The following CCNY variants were observed in gnomAD, a reference collection of about 807,000 sequenced individuals.
CCNY encodes cyclin-Y.
Under a neutral mutation model 42.8 loss-of-function variants are expected in CCNY, and 19 were observed. The ratio of observed to expected loss-of-function variants is 0.44; its 90% CI spans 0.31 to 0.65. The LOEUF (loss-of-function observed/expected upper bound fraction) is 0.65, where lower values mean the gene tolerates loss of function less well. CCNY is among the 30% of genes least tolerant of loss of function. The pLI is 0.07. For synonymous variants in CCNY, 165 were observed against 162.7 expected, an observed-to-expected ratio of 1.01 and a Z score of -0.11; for missense variants, 370 against 437.3, an observed-to-expected ratio of 0.85 and a Z score of 1.37.
rs1444142756 is a variant in CCNY at position 35,479,551 on chromosome 10, A to G, written c.155-3853A>G. On this transcript the variant is annotated intron_variant, in intron 1 of 9. Coordinates refer to ENST00000374704, the MANE Select transcript of CCNY (RefSeq NM_145012.6). ...TATTCTCACTCATAGGTGGGAATTGAACAATGAGAACACATGGACACAGGA... is the reference window on the plus strand; with the variant it reads ...TATTCTCACTCATAGGTGGGAATTGGACAATGAGAACACATGGACACAGGA... Among the ~76,000 whole-genome samples the G allele has an allele frequency of 2.2e-5, 3 of 134,062 alleles. No individual in the cohort carries two copies. In the East Asian group the frequency reaches 6.4e-4, roughly 28 times the overall value. The allele number at this position is 134,062 out of a possible 152,430, so 87.9% of individuals were successfully genotyped here.
At chr10:35,561,147 G>T (rs1018147642) in intron 8 of CCNY, among the ~76,000 whole-genome samples, 2 of 152,160 alleles carry the variant, frequency 1.3e-5, no homozygotes, top group African/African-American at 4.8e-5. Context: ...AATGAGGGAG[G>T]TGCGTGCCAG....
At chr10:35,326,623 G>A (rs931355685) in intron 3 of CCNY, among the ~76,000 whole-genome samples, 5 of 152,002 alleles carry the variant, frequency 3.3e-5, no homozygotes, top group Non-Finnish European at 4.4e-5. Context: ...TCTAGGCCGG[G>A]TGTGGTGGCT....
intron 1 of CCNY, among the ~76,000 whole-genome samples, chr10:35,358,886 C>G (rs1281732407): frequency 1.3e-5 from 2 of 152,152 alleles, no homozygotes; most frequent in East Asian, 3.9e-4. Context: ...AAGGGATGCC[C>G]AGAAAGCCCC....
chr10:35,406,978 CCTT>C (rs1837793369), intron 1 of CCNY, among the ~76,000 whole-genome samples: 1 of 152,188 alleles, frequency 6.6e-6, no homozygotes, highest in Admixed American at 6.5e-5. Flanking sequence ...AATAAGGCAG[CCTT>C]CTGGCCCCTC....
chr10:35,444,829 G>A (rs1838756758), intron 1 of CCNY, among the ~76,000 whole-genome samples: 6 of 152,222 alleles, frequency 3.9e-5, no homozygotes, highest in Non-Finnish European at 2.9e-5. Flanking sequence ...TAGGGGTGGA[G>A]GAGGCGAGAG....
At chr10:35,510,053 G>A (rs1381654004) in intron 3 of CCNY, among the ~76,000 whole-genome samples, 3 of 152,092 alleles carry the variant, frequency 2.0e-5, no homozygotes, top group African/African-American at 4.8e-5. Flanking sequence ...TGTGGCCCGA[G>A]GAGGCTGCAG....
intron 3 of CCNY, among the ~76,000 whole-genome samples, chr10:35,253,239 G>T (rs1290551083): frequency 6.6e-6 from 1 of 151,766 alleles, no homozygotes; most frequent in Admixed American, 6.6e-5. Context: ...GTTAAACTAG[G>T]CCTTTGTCTT....
At chr10:35,360,546 T>A (rs1348116845) in intron 1 of CCNY, among the ~76,000 whole-genome samples, 9 of 152,068 alleles carry the variant, frequency 5.9e-5, no homozygotes, top group Non-Finnish European at 1.5e-5. Context: ...CCTCCCAAAG[T>A]GCTGGGATTA....
intron 3 of CCNY, among the ~76,000 whole-genome samples, chr10:35,284,107 T>TA (rs1209351469): frequency 6.6e-5 from 10 of 151,882 alleles, no homozygotes; most frequent in African/African-American, 1.2e-4. Context: ...AAAACAAAAA[T>TA]AAAAAATAGC....
chr10:35,310,303 TTTTC>T (rs1409995037), intron 3 of CCNY, among the ~76,000 whole-genome samples: 12 of 152,252 alleles, frequency 7.9e-5, no homozygotes, highest in Non-Finnish European at 1.6e-4. Context: ...ATGTACCATA[TTTTC>T]TTTATCCATT....
intron 3 of CCNY, among the ~76,000 whole-genome samples, chr10:35,301,879 C>T (rs571980519): frequency 7.9e-5 from 12 of 152,180 alleles, no homozygotes; most frequent in African/African-American, 1.2e-4. Context: ...GCGATCTGCC[C>T]GCCTCGGCCT....
At chr10:35,412,185 G>T (rs578202522) in intron 1 of CCNY, among the ~76,000 whole-genome samples, 27 of 152,354 alleles carry the variant, frequency 1.8e-4, no homozygotes, top group African/African-American at 6.3e-4. Flanking sequence ...GGCACATCCT[G>T]TGACTAGGGG....
chr10:35,392,160 G>A (rs1837427786), intron 1 of CCNY, among the ~76,000 whole-genome samples: 1 of 152,154 alleles, frequency 6.6e-6, no homozygotes, highest in Non-Finnish European at 1.5e-5. Context: ...TTTTCCTGCT[G>A]CGTATAGTGG....
In CCNY at chr10:35,565,504, G is replaced by A. The variant is rs1707820255; in HGVS notation, c.747-519G>A. Among the ~76,000 whole-genome samples, 3 of 152,236 alleles carry A rather than the reference G, an allele frequency of 2.0e-5. No individual in the cohort carries two copies. The South Asian group carries it at 6.2e-4, about 32-fold the overall frequency. On this transcript the variant is annotated intron_variant, in intron 8 of 9. Transcript: ENST00000374704. The stretch of plus-strand genomic sequence containing the variant: ...TTTTAAGAGACTGAGGCAGAGACTG[G>A]ACACCCTCCCCCCATAATCCCTGCC...
intron 3 of CCNY, among the ~76,000 whole-genome samples, chr10:35,262,887 T>C (rs16935949): frequency 0.37 from 55,905 of 150,874 alleles, 10,910 homozygotes; most frequent in African/African-American, 0.5. Context: ...AAATGAAACA[T>C]GAAAAAAATT....
chr10:35,440,228 C>A (rs1459243925), intron 1 of CCNY, among the ~76,000 whole-genome samples: 2 of 151,986 alleles, frequency 1.3e-5, no homozygotes, highest in Non-Finnish European at 2.9e-5. Flanking sequence ...TTGGTCTGTA[C>A]CCTTCATGTT....
chr10:35,369,485 G>A (rs1367244850), intron 1 of CCNY, among the ~76,000 whole-genome samples: 1 of 152,180 alleles, frequency 6.6e-6, no homozygotes, highest in Admixed American at 6.5e-5. Context: ...AGACACAGAA[G>A]AAATTCCAGT....
At chr10:35,323,417 G>T (rs1002814529) in intron 3 of CCNY, among the ~76,000 whole-genome samples, 1 of 152,176 alleles carries the variant, frequency 6.6e-6, no homozygotes, top group Non-Finnish European at 1.5e-5. Context: ...TAAACAAATT[G>T]TGGTATATAC....
intron 1 of CCNY, among the ~76,000 whole-genome samples, chr10:35,483,123 A>G (rs1839710891): frequency 6.6e-6 from 1 of 152,148 alleles, no homozygotes; most frequent in Non-Finnish European, 1.5e-5. Context: ...CTGCTATTTT[A>G]TAGTATATTG....
Sources: gnomAD v4.1 joint callset for allele counts (sites outside exome capture counted in the v4.1 genomes callset) on GRCh38, gnomAD v4.1.1 for gene constraint, MANE v1.5 for transcripts, NCBI Gene and HGNC (gene_info 2026-07-23, HGNC 2026-07-21) for gene names.